The following LRRTM4 variants were observed in gnomAD, a reference collection of about 807,000 sequenced individuals.
LRRTM4 encodes leucine-rich repeat transmembrane neuronal protein 4.
Under a neutral mutation model 47.6 loss-of-function variants are expected in LRRTM4, and 25 were observed. That is an observed-to-expected ratio of 0.53 (90% CI 0.38 to 0.73). The LOEUF is 0.73. Among genes scored for constraint, LRRTM4 ranks in the 30% least tolerant of loss-of-function variants. The pLI is 0.00. For missense variants in LRRTM4, 638 were observed against 713.4 expected (o/e 0.89, Z 1.20); for synonymous variants, 311 against 269.5 (o/e 1.15, Z -1.51).
rs34070418 is a variant in LRRTM4 at position 77,217,440 on chromosome 2, AATATATAT to A, written c.1551+300870_1551+300877del. ...TGATTTGGGCTATATCTCCAAATGA[AATATATAT>A]ATATATATATATATATATATACTAA... is the stretch of plus-strand genomic sequence containing the variant. On this transcript the variant is annotated intron_variant, in intron 3 of 3. Coordinates refer to ENST00000409884, the MANE Select transcript of LRRTM4 (RefSeq NM_001134745.3). Among the ~76,000 whole-genome samples the A allele has an allele frequency of 8.3e-4, 64 of 76,794 alleles. 3 individuals are homozygous for A. The highest frequency in any genetic ancestry group is 1.6e-3 in the African/African-American group (26 of 16,098). The allele number at this position is 76,794 out of a possible 152,430, so 50.4% of individuals were successfully genotyped here.
chr2:77,424,609 G>A (rs762713058), intron 3 of LRRTM4, among the ~76,000 whole-genome samples: 2 of 152,152 alleles, frequency 1.3e-5, no homozygotes, highest in East Asian at 1.9e-4. Flanking sequence ...TTTCTGATGG[G>A]TGAACCATTT....
In LRRTM4 at chr2:77,430,864, G is replaced by T. The variant is rs375277262; in HGVS notation, c.1551+87454C>A. 1.1e-4 allele frequency among the ~76,000 whole-genome samples: 16 copies of T among 148,702 alleles called. No homozygotes were observed. The East Asian group carries it at 1.2e-3, about 11-fold the overall frequency. The stretch of plus-strand genomic sequence containing the variant: ...TGGGGGACTGAGTGGGGGAAGATCT[G>T]CTCTCAGTGGGGGCAGGCACCATCC... On this transcript the variant is annotated intron_variant, in intron 3 of 3. Coordinates refer to ENST00000409884, the MANE Select transcript of LRRTM4 (RefSeq NM_001134745.3).
chr2:76,994,862 T>C (rs1677143305), intron 3 of LRRTM4, among the ~76,000 whole-genome samples: 1 of 151,996 alleles, frequency 6.6e-6, no homozygotes, highest in Non-Finnish European at 1.5e-5. Flanking sequence ...CACAAAGTTT[T>C]ATTTAAAAAA....
rs1558702908 is a variant in LRRTM4 at position 77,353,568 on chromosome 2, T to C, written c.1551+164750A>G. Among the ~76,000 whole-genome samples, 4 of 152,210 alleles carry C rather than the reference T, an allele frequency of 2.6e-5. No individual in the cohort carries two copies. In the South Asian group the frequency reaches 8.3e-4, roughly 32 times the overall value. ...GCACATATGTCTTTCCTGAACCTTA[T>C]GTAGGGGGATAATGACACCATTGGT... On this transcript the variant is annotated intron_variant, in intron 3 of 3. Coordinates refer to ENST00000409884, the MANE Select transcript of LRRTM4 (RefSeq NM_001134745.3).
intron 3 of LRRTM4, among the ~76,000 whole-genome samples, chr2:77,164,278 G>T (rs2103816664): frequency 6.6e-6 from 1 of 152,264 alleles, no homozygotes; most frequent in Non-Finnish European, 1.5e-5. Context: ...AAACAAATAT[G>T]TACCCAATAC....
chr2:76,877,259 TATTA>T lies in LRRTM4; in HGVS notation c.1552-128347_1552-128344del, dbSNP rs371673991. The stretch of plus-strand genomic sequence containing the variant: ...AAAAAGTTGGTTGAAAATGTTACTT[TATTA>T]GTTAACATTTCCATAATTTTTGTGC... On this transcript the variant is annotated intron_variant, in intron 3 of 3. Coordinates refer to ENST00000409884, the MANE Select transcript of LRRTM4 (RefSeq NM_001134745.3). Among the ~76,000 whole-genome samples, 384 of 152,264 alleles carry T rather than the reference TATTA, an allele frequency of 2.5e-3. 2 individuals are homozygous for T. The highest frequency in any genetic ancestry group is 8.9e-3 in the African/African-American group (372 of 41,574).
At chr2:76,788,093 C>G (rs776188427) in intron 3 of LRRTM4, among the ~76,000 whole-genome samples, 6 of 152,114 alleles carry the variant, frequency 3.9e-5, no homozygotes, top group Non-Finnish European at 7.4e-5. Context: ...AGACAGCATT[C>G]TTGATTCTTA....
chr2:76,811,725 G>A (rs995985091), intron 3 of LRRTM4, among the ~76,000 whole-genome samples: 1 of 152,112 alleles, frequency 6.6e-6, no homozygotes, highest in Admixed American at 6.6e-5. Context: ...TCCCATGTTT[G>A]CTCTATGAAA....
intron 3 of LRRTM4, among the ~76,000 whole-genome samples, chr2:77,220,143 G>A (rs888883514): frequency 4.6e-5 from 7 of 152,182 alleles, no homozygotes; most frequent in African/African-American, 1.7e-4. Flanking sequence ...GCAGCTGAGG[G>A]TCCTGACTGT....
chr2:76,906,697 C>T (rs1673853809), intron 3 of LRRTM4, among the ~76,000 whole-genome samples: 1 of 151,592 alleles, frequency 6.6e-6, no homozygotes. Context: ...GGTTGCAATC[C>T]TAGTCTCTGA....
chr2:76,903,518 A>C (rs1252187626), intron 3 of LRRTM4, among the ~76,000 whole-genome samples: 1 of 152,084 alleles, frequency 6.6e-6, no homozygotes, highest in Non-Finnish European at 1.5e-5. Context: ...CCTGGGCCAC[A>C]GAGCAAGATT....
At chr2:76,807,380 T>C (rs1196254436) in intron 3 of LRRTM4, among the ~76,000 whole-genome samples, 1 of 101,956 alleles carries the variant, frequency 9.8e-6, no homozygotes, top group Middle Eastern at 5.8e-3. Context: ...TAAACATTCA[T>C]TTTATATATA....
chr2:76,984,944 A>C (rs1448879514), intron 3 of LRRTM4, among the ~76,000 whole-genome samples: 1 of 152,036 alleles, frequency 6.6e-6, no homozygotes, highest in Admixed American at 6.6e-5. Flanking sequence ...GTTTCAGAGC[A>C]AAATAATTAT....
At chr2:77,359,936 T>C (rs1672118455) in intron 3 of LRRTM4, among the ~76,000 whole-genome samples, 1 of 152,192 alleles carries the variant, frequency 6.6e-6, no homozygotes, top group Non-Finnish European at 1.5e-5. Context: ...GAGACATTAA[T>C]GATACCAAAA....
chr2:77,345,751 A>G (rs1013987160), intron 3 of LRRTM4, among the ~76,000 whole-genome samples: 1 of 151,860 alleles, frequency 6.6e-6, no homozygotes, highest in African/African-American at 2.4e-5. Context: ...AGTTTTTTTT[A>G]AAGTTAAATA....
chr2:77,184,984 G>T (rs1031506626), intron 3 of LRRTM4, among the ~76,000 whole-genome samples: 2 of 152,006 alleles, frequency 1.3e-5, no homozygotes, highest in African/African-American at 4.8e-5. Context: ...CTTTGTTGAG[G>T]TCTCTACATA....
intron 3 of LRRTM4, among the ~76,000 whole-genome samples, chr2:77,053,484 A>G (rs1471466342): frequency 6.6e-6 from 1 of 152,160 alleles, no homozygotes; most frequent in Middle Eastern, 3.2e-3. Context: ...TTGTAGGCCT[A>G]GGACTCTCAA....
At chr2:77,346,099 G>C (rs949632118) in intron 3 of LRRTM4, among the ~76,000 whole-genome samples, 3 of 151,974 alleles carry the variant, frequency 2.0e-5, no homozygotes, top group African/African-American at 7.2e-5. Context: ...AGTAAAATAA[G>C]CCATTCTCAA....
intron 3 of LRRTM4, among the ~76,000 whole-genome samples, chr2:77,057,514 C>CA (rs1190666598): frequency 6.6e-6 from 1 of 152,110 alleles, no homozygotes; most frequent in African/African-American, 2.4e-5. Context: ...CATAGTGCAG[C>CA]AGTGGTGAAT....
Sources: gnomAD v4.1 joint callset for allele counts (sites outside exome capture counted in the v4.1 genomes callset) on GRCh38, gnomAD v4.1.1 for gene constraint, MANE v1.5 for transcripts, NCBI Gene and HGNC (gene_info 2026-07-23, HGNC 2026-07-21) for gene names.